The following RABL6 variants were observed in gnomAD, a reference collection of about 807,000 sequenced individuals.
RABL6 encodes RAB, member RAS oncogene family like 6.
Under a neutral mutation model 72.9 loss-of-function variants are expected in RABL6, and 28 were observed. That is an observed-to-expected ratio of 0.38 (90% CI 0.28 to 0.53). The LOEUF (loss-of-function observed/expected upper bound fraction) is 0.53. RABL6 is among the 20% of genes least tolerant of loss of function. The pLI is 0.80. For synonymous variants in RABL6, 477 were observed against 421.2 expected (o/e 1.13, Z -1.62); for missense variants, 1,029 against 1,008.4 (o/e 1.02, Z -0.28).
intron 1 of RABL6, chr9:136,821,417 G>A (rs1848233913): frequency 2.0e-6 from 2 of 985,430 alleles, no homozygotes; most frequent in Non-Finnish European, 2.4e-6. Context: ...GTGCCGGGGC[G>A]GGGAGGCAGG....
chr9:136,829,074 C>A (rs546159426), intron 4 of RABL6, among the ~76,000 whole-genome samples: 1 of 152,208 alleles, frequency 6.6e-6, no homozygotes, highest in African/African-American at 2.4e-5. Flanking sequence ...CTGAGGGCAG[C>A]TGGTAGTCCA....
At chr9:136,822,884 C>T (rs530577939) in intron 1 of RABL6, among the ~76,000 whole-genome samples, 32 of 152,096 alleles carry the variant, frequency 2.1e-4, no homozygotes, top group Non-Finnish European at 1.2e-4. Flanking sequence ...GTCAGGAGAT[C>T]GAGACCACCC....
intron 1 of RABL6, among the ~76,000 whole-genome samples, chr9:136,817,069 A>G (rs1227515538): frequency 1.3e-5 from 2 of 152,244 alleles, no homozygotes; most frequent in Non-Finnish European, 2.9e-5. Flanking sequence ...CAGACAGTTT[A>G]TGTTTGAAAA....
intron 1 of RABL6, chr9:136,813,434 C>G (rs1848054554): frequency 7.5e-6 from 5 of 667,104 alleles, no homozygotes; most frequent in Non-Finnish European, 1.3e-5. Context: ...AGTGGTCTCT[C>G]TAGTCTTGAT....
intron 7 of RABL6, among the ~76,000 whole-genome samples, chr9:136,834,719 T>C (rs967164825): frequency 1.3e-5 from 2 of 152,050 alleles, no homozygotes; most frequent in African/African-American, 2.4e-5. Flanking sequence ...CCTCGTGATC[T>C]GCCCGCCTTG....
intron 7 of RABL6, chr9:136,835,187 C>T (rs902839731): frequency 6.6e-6 from 1 of 152,216 alleles, no homozygotes; most frequent in Non-Finnish European, 1.5e-5. Context: ...CACCTGAGGT[C>T]AGGAGTTCGT....
At chr9:136,836,161 GA>G (rs1314383903) in intron 8 of RABL6, 2 of 306,192 alleles carry the variant, frequency 6.5e-6, no homozygotes, top group Non-Finnish European at 1.2e-5. Context: ...TGGCCTCCCA[GA>G]TTGATGCCAG....
chr9:136,820,238 G>A (rs1848209929), intron 1 of RABL6, among the ~76,000 whole-genome samples: 1 of 149,702 alleles, frequency 6.7e-6, no homozygotes, highest in African/African-American at 2.5e-5. Flanking sequence ...GCTGGCAGAT[G>A]TCTGTAGTCT....
chr9:136,836,820 CAGGGG>C, intron 8 of RABL6: 1 of 256,886 alleles, frequency 3.9e-6, no homozygotes, highest in South Asian at 3.9e-5. Flanking sequence ...AAGTGACTTT[CAGGGG>C]AGCTGGACAC....
At position 136,840,748 on chromosome 9, in the gene RABL6, C is replaced by T. The variant is rs1454063698; in HGVS notation, c.*226C>T. On this transcript the variant is annotated 3_prime_UTR_variant, in exon 15 of 15. Coordinates refer to ENST00000311502, the MANE Select transcript of RABL6 (RefSeq NM_024718.5). ...CAAGAAGGGAGGGGACAGCTGGCTT[C>T]AGCCAGGCTCGGTGGACACCCTGGC... 3 of 1,548,250 alleles carry T rather than the reference C, an allele frequency of 1.9e-6. No homozygotes were observed. Among genetic ancestry groups the T allele is most frequent in the African/African-American group, 1.4e-5 (1 of 72,992 alleles).
rs1202748266 is a variant in RABL6, at chr9:136,826,238, C to G, written c.313+412C>G. Among the ~76,000 whole-genome samples, 1 of 152,194 alleles carries G rather than the reference C, an allele frequency of 6.6e-6. No individual in the cohort carries two copies. On this transcript the variant is annotated intron_variant, in intron 3 of 14. Transcript: ENST00000311502. This position sits in a 1 kb window ranked among gnomAD's most constrained non-coding sequence, Gnocchi z 4.9. ...TCCTGTCCCTGCCAGGGATCCCCAG[C>G]CACACAGACCTGCACTCTGGGGACC...
At chr9:136,828,171 CCCTT>C (rs996836613) in intron 3 of RABL6, 13 of 272,104 alleles carry the variant, frequency 4.8e-5, no homozygotes, top group African/African-American at 2.2e-4. Flanking sequence ...GGGGAGGGGG[CCCTT>C]CCTTCAGCAG....
chr9:136,831,884 C>A (rs377675795), intron 6 of RABL6, 23 bp downstream of exon 6: 1 of 1,595,628 alleles, frequency 6.3e-7, no homozygotes. Context: ...GCCCTGCTCC[C>A]GAGGGACCCT....
At chr9:136,824,326 GTTTTTTTTTTTTT>G (rs34760204) in intron 2 of RABL6, among the ~76,000 whole-genome samples, 1 of 75,054 alleles carries the variant, frequency 1.3e-5, no homozygotes, top group East Asian at 4.0e-4. Flanking sequence ...GTTTGGTTGG[GTTTTTTTTTTTTT>G]TTTTTTTTTT....
rs188315240 is a variant in RABL6, at chr9:136,837,165, G to A, written c.810-181G>A. ...GCTGGGATTACAGGCATGAGCCACC[G>A]TGCCTGGCTGGCACTGCTGCCCTTG... is the stretch of plus-strand genomic sequence containing the variant. On this transcript the variant is annotated intron_variant, in intron 8 of 14. Transcript: ENST00000311502. The A allele has an allele frequency of 2.7e-3, 2,036 of 758,198 alleles. 4 individuals are homozygous for A. The highest frequency in any genetic ancestry group is 3.9e-3 in the Non-Finnish European group (1,669 of 425,936). 47.0% of individuals were successfully genotyped at this position (758,198 alleles called of 1,614,324 possible). A position where few individuals can be genotyped will look rare whatever the true frequency, so the allele number is the denominator to read the frequency against.
intron 5 of RABL6, among the ~76,000 whole-genome samples, chr9:136,830,023 A>G (rs1254088075): frequency 2.0e-5 from 3 of 152,240 alleles, no homozygotes; most frequent in East Asian, 3.8e-4. Context: ...CCGGAGCCCC[A>G]GCGGGGGGGT....
At chr9:136,840,241 C>T in intron 14 of RABL6, 29 bp downstream of exon 14, 2 of 1,612,638 alleles carry the variant, frequency 1.2e-6, no homozygotes, top group South Asian at 2.2e-5. Flanking sequence ...CCTGGCAGGC[C>T]AGGACTGGGT....
Position 136,840,995 on chromosome 9 carries a change from G to C in RABL6, c.*473G>C. ...CACGGGTGTGCAGACTCACCCTAAAGGGCGGCCCAGGCCCCACGCTAGAAG... is the reference window on the plus strand; with the variant it reads ...CACGGGTGTGCAGACTCACCCTAAACGGCGGCCCAGGCCCCACGCTAGAAG... On this transcript the variant is annotated 3_prime_UTR_variant, in exon 15 of 15. Transcript: ENST00000311502. 5 of 1,444,972 alleles carry C rather than the reference G, an allele frequency of 3.5e-6. No homozygotes were observed. The highest frequency in any genetic ancestry group is 4.6e-6 in the Non-Finnish European group (5 of 1,096,012). The allele number at this position is 1,444,972 out of a possible 1,614,324, so 89.5% of individuals were successfully genotyped here.
chr9:136,834,962 A>C (rs1848559169), intron 7 of RABL6, among the ~76,000 whole-genome samples: 1 of 151,188 alleles, frequency 6.6e-6, no homozygotes, highest in African/African-American at 2.4e-5. Context: ...TCTCTGAAAA[A>C]GATGATTCAA....
Sources: allele counts gnomAD v4.1 joint callset (sites outside exome capture counted in the v4.1 genomes callset), GRCh38; gene constraint gnomAD v4.1.1; non-coding constraint Gnocchi (gnomAD v3.1); transcripts MANE v1.5; gene names NCBI Gene and HGNC (gene_info 2026-07-23, HGNC 2026-07-21).